PDGFA: variants seen among roughly 807,000 people sequenced by gnomAD.
PDGFA encodes platelet-derived growth factor subunit A.
Under a neutral mutation model 25.6 loss-of-function variants are expected in PDGFA, and 9 were observed. That is an observed-to-expected ratio of 0.35 (90% confidence interval 0.21 to 0.61). The LOEUF (loss-of-function observed/expected upper bound fraction) is 0.61. PDGFA is among the 20% of genes least tolerant of loss of function. The probability of loss-of-function intolerance (pLI) is 0.75; values close to 1 mark genes in which losing one functional copy is unlikely to be tolerated. For missense variants in PDGFA, 242 were observed against 272.8 expected (o/e 0.89, Z 0.79); for synonymous variants, 133 against 111.8 (o/e 1.19, Z -1.20).
intron 4 of PDGFA, among the ~76,000 whole-genome samples, chr7:507,435 C>A (rs997015975): frequency 6.6e-6 from 1 of 152,214 alleles, no homozygotes; most frequent in Non-Finnish European, 1.5e-5. Flanking sequence ...ACCCCCAACA[C>A]TGCACTGGCC....
At chr7:520,002 GCGC>G (rs1442148048), upstream of PDGFA, 3 of 371,264 alleles carry the variant, frequency 8.1e-6, no homozygotes, top group Admixed American at 6.5e-5. Flanking sequence ...CAGGGCCCGG[GCGC>G]CGCCGCCGCG....
chr7:518,347 T>TG (rs897079030), intron 1 of PDGFA: 12 of 81,596 alleles, frequency 1.5e-4, no homozygotes, highest in African/African-American at 3.1e-4. Flanking sequence ...GGGATGGGGA[T>TG]GGGGGGGCGG....
chr7:512,397 A>G, exon 3 of PDGFA: 4 of 1,613,754 alleles, frequency 2.5e-6, no homozygotes, highest in East Asian at 2.2e-5. Flanking sequence ...TCTCGGGCAC[A>G]TGCTTAGTGG....
intron 4 of PDGFA, among the ~76,000 whole-genome samples, chr7:507,999 C>G (rs1782635734): frequency 6.6e-6 from 1 of 152,102 alleles, no homozygotes; most frequent in Non-Finnish European, 1.5e-5. Context: ...CTTGGAGATC[C>G]CGGGTAGTAA....
rs533804009 is a variant in PDGFA at position 516,616 on chromosome 7, T to C, written c.160+778A>G. Reference sequence around the variant, plus strand: ...CCTCGCCTTCTAGGAAGGGGCTCTCTAGCCCTGAGCGGGCGGGCGGCCACC... The same window carrying C: ...CCTCGCCTTCTAGGAAGGGGCTCTCCAGCCCTGAGCGGGCGGGCGGCCACC... On this transcript the variant is annotated intron_variant, in intron 2 of 5. Transcript: ENST00000402802. Among the ~76,000 whole-genome samples the C allele has an allele frequency of 5.2e-4, 79 of 152,194 alleles. 1 individual carries two copies. The highest frequency in any genetic ancestry group is 8.7e-4 in the Non-Finnish European group (59 of 68,018).
At chr7:497,903 GA>G (rs1263351645) in exon 6 of PDGFA, 1 of 19,248 alleles carries the variant, frequency 5.2e-5, no homozygotes, top group African/African-American at 2.1e-4. Flanking sequence ...GCTAGCCAAA[GA>G]GTAAAAAGGA....
intron 5 of PDGFA, among the ~76,000 whole-genome samples, chr7:499,894 A>G (rs776018224): frequency 2.0e-5 from 3 of 152,110 alleles, no homozygotes; most frequent in Non-Finnish European, 2.9e-5. Context: ...TCCCACCCTT[A>G]GATGAAAGTC....
intron 4 of PDGFA, 57 bp from the exon 5 acceptor site, chr7:501,299 G>A (rs1481295717): frequency 4.4e-6 from 7 of 1,605,642 alleles, no homozygotes; most frequent in South Asian, 3.3e-5. Flanking sequence ...CGGACATCAC[G>A]ACGTGCTGGG....
chr7:512,522 C>T (rs1202895704), intron 2 of PDGFA, 67 bp from the exon 3 acceptor site: 8 of 1,609,344 alleles, frequency 5.0e-6, no homozygotes, highest in African/African-American at 4.0e-5. Flanking sequence ...CCTGTCCAGC[C>T]GCACTTCCCA....
chr7:512,348 C>T lies in PDGFA; in HGVS notation c.265+3G>A, dbSNP rs752866789. ...CCTGCCCATCGCGGCCTCCTGGACTCACCGATGCTTCTCTTCCTCCGAATG... is the reference window on the plus strand; with the variant it reads ...CCTGCCCATCGCGGCCTCCTGGACTTACCGATGCTTCTCTTCCTCCGAATG... On this transcript the variant is annotated splice_donor_region_variant and intron_variant, in intron 3 of 5. Coordinates refer to ENST00000402802, the Ensembl canonical transcript of PDGFA. The T allele has an allele frequency of 3.7e-6, 6 of 1,612,002 alleles. No individual in the cohort carries two copies. Among genetic ancestry groups the T allele is most frequent in the Middle Eastern group, 1.7e-4 (1 of 6,006 alleles).
At chr7:512,232 G>C (rs1782883815) in intron 3 of PDGFA, 119 bp downstream of exon 3, 2 of 962,276 alleles carry the variant, frequency 2.1e-6, no homozygotes, top group Non-Finnish European at 1.5e-6. Flanking sequence ...GCTTGCCTGA[G>C]GCCACTGCGC....
chr7:509,142 C>T (rs1392476851), intron 4 of PDGFA, among the ~76,000 whole-genome samples: 2 of 152,200 alleles, frequency 1.3e-5, no homozygotes, highest in South Asian at 2.1e-4. Flanking sequence ...CAAGTTCACC[C>T]GGGTGCTGTT....
intron 2 of PDGFA, 197 bp from the exon 3 acceptor site, chr7:512,652 G>C (rs1370393957): frequency 1.3e-6 from 2 of 1,518,174 alleles, no homozygotes; most frequent in Non-Finnish European, 1.8e-6. Flanking sequence ...CAGAGATGCA[G>C]GGCATGAAAC....
At chr7:510,292 T>C (rs1045644007) in intron 4 of PDGFA, among the ~76,000 whole-genome samples, 1 of 151,904 alleles carries the variant, frequency 6.6e-6, no homozygotes, top group Admixed American at 6.5e-5. Flanking sequence ...GGCCTCAGTG[T>C]ACCTGCCAGG....
chr7:509,064 C>T (rs1453681887), intron 4 of PDGFA, among the ~76,000 whole-genome samples: 1 of 152,186 alleles, frequency 6.6e-6, no homozygotes, highest in African/African-American at 2.4e-5. Context: ...GGGCACACTT[C>T]CCTGAAAGCA....
chr7:512,737 C>T (rs1448393881), intron 2 of PDGFA: 1 of 1,203,896 alleles, frequency 8.3e-7, no homozygotes, highest in South Asian at 1.5e-5. Context: ...GCGCAGGGCC[C>T]TTCGGGGAAG....
intron 4 of PDGFA, among the ~76,000 whole-genome samples, chr7:508,449 A>G (rs1227761068): frequency 6.7e-6 from 1 of 150,106 alleles, no homozygotes; most frequent in Non-Finnish European, 1.5e-5. Context: ...CACCTGTAGC[A>G]TTCAGGAGGC....
At chr7:511,021 CG>C (rs1562489973) in intron 3 of PDGFA, 25 bp from the exon 4 acceptor site, 1 of 1,595,474 alleles carries the variant, frequency 6.3e-7, no homozygotes. Context: ...GCACAGTGAG[CG>C]GGGACCGGCC....
rs1163167676 is a variant in PDGFA at position 500,339 on chromosome 7, C to T, written c.580+777G>A. On this transcript the variant is annotated intron_variant, in intron 5 of 5. Transcript: ENST00000402802. The surrounding 1 kb of genome is among the most constrained non-coding windows in gnomAD (Gnocchi z 5.0). Reference sequence around the variant, plus strand: ...AATCAGGGCCACATCCCCGCCGCACCCGGCGAGACAGGAAGCGTGATTTGC... The same window carrying T: ...AATCAGGGCCACATCCCCGCCGCACTCGGCGAGACAGGAAGCGTGATTTGC... The T allele has an allele frequency of 7.1e-7, 1 of 1,416,748 alleles. No individual in the cohort carries two copies. Among genetic ancestry groups the T allele is most frequent in the South Asian group, 1.2e-5 (1 of 84,924 alleles). 87.8% of individuals were successfully genotyped at this position (1,416,748 alleles called of 1,614,324 possible).
Sources: allele counts gnomAD v4.1 joint callset (sites outside exome capture counted in the v4.1 genomes callset), GRCh38; gene constraint gnomAD v4.1.1; non-coding constraint Gnocchi (gnomAD v3.1); transcripts MANE v1.5; gene names NCBI Gene and HGNC (gene_info 2026-07-23, HGNC 2026-07-21).